CSRP2: variants seen among roughly 807,000 people sequenced by gnomAD.
The protein encoded by CSRP2 is cysteine and glycine rich protein 2.
In CSRP2, 18 loss-of-function variants were observed where a neutral mutation model predicts 24.6. The observed-to-expected ratio is 0.73, with a 90% CI of 0.51 to 1.09. The LOEUF is 1.09. CSRP2 is among the 50% of genes least tolerant of loss of function. The probability of loss-of-function intolerance (pLI) is 0.00; values close to 1 mark genes in which losing one functional copy is unlikely to be tolerated. For missense variants in CSRP2, 215 were observed against 239.4 expected, an observed-to-expected ratio of 0.90 and a Z score of 0.67; for synonymous variants, 87 against 84.3, an observed-to-expected ratio of 1.03 and a Z score of -0.18.
intron 1 of CSRP2, among the ~76,000 whole-genome samples, chr12:76,867,822 A>G (rs920660315): frequency 3.3e-5 from 5 of 151,272 alleles, no homozygotes; most frequent in African/African-American, 1.2e-4. Flanking sequence ...TACTAAGTAG[A>G]AAAGATTAAA....
rs1953647292 is a variant in CSRP2 at position 76,858,989 on chromosome 12, T to C, written c.545A>G (p.Tyr182Cys). 2.5e-6 allele frequency: 4 copies of C among 1,614,120 alleles called. No individual in the cohort carries two copies. The highest frequency in any genetic ancestry group is 2.2e-5 in the East Asian group (1 of 44,892). ...AACAAGAGCCCCTGCTCCTTGGCCA[T>C]AGCCAAATCCCTTGGGCCCAAAGTT... ...AKNFGPKGFG[Y>C]GQGAGALVHA... Residue 182 changes from tyrosine to cysteine, a missense_variant, in exon 6 of 6, where the codon TAT (tyrosine) becomes TGT (cysteine). By Grantham distance (194) the Tyr-to-Cys change is radical (BLOSUM62 -2). Transcript: ENST00000311083.
chr12:76,862,691 C>A, intron 3 of CSRP2: 1 of 1,233,468 alleles, frequency 8.1e-7, no homozygotes, highest in Non-Finnish European at 1.1e-6. Flanking sequence ...CTCAAAGAAT[C>A]AAAAATAAGA....
Position 76,859,029 on chromosome 12 carries a change from C to T in CSRP2, c.506-1G>A. The T allele has an allele frequency of 1.9e-6, 3 of 1,614,020 alleles. No homozygotes were observed. The highest frequency in any genetic ancestry group is 2.5e-6 in the Non-Finnish European group (3 of 1,179,898). On this transcript the variant is annotated splice_acceptor_variant, in intron 5 of 5. Transcript: ENST00000311083. LOFTEE classifies it high-confidence loss of function. ...GGCCCAAAGTTCTTTGCATAGCATC[C>T]TACAAAGGAAAGGGAGGAAGGATAG...
At chr12:76,866,053 T>A (rs1218409051) in intron 2 of CSRP2, 96 bp downstream of exon 2, 7 of 851,776 alleles carry the variant, frequency 8.2e-6, no homozygotes, top group Non-Finnish European at 7.5e-6. Flanking sequence ...TTCAAAATGA[T>A]CTTTGTTGGC....
chr12:76,859,473 G>C, intron 5 of CSRP2, 74 bp downstream of exon 5: 1 of 892,812 alleles, frequency 1.1e-6, no homozygotes, highest in South Asian at 1.8e-5. Flanking sequence ...TTTTTTTAAT[G>C]CCAGTGACAT....
At chr12:76,866,753 A>G (rs1413179094) in intron 1 of CSRP2, among the ~76,000 whole-genome samples, 1 of 152,216 alleles carries the variant, frequency 6.6e-6, no homozygotes, top group Admixed American at 6.5e-5. Context: ...AAGCTATAAC[A>G]CGCTTTCTAG....
At chr12:76,877,187 G>A (rs1953861202) in intron 1 of CSRP2, among the ~76,000 whole-genome samples, 1 of 152,166 alleles carries the variant, frequency 6.6e-6, no homozygotes, top group South Asian at 2.1e-4. Context: ...TGTCAGAGTT[G>A]CCTCTGGACT....
At chr12:76,871,125 G>A (rs765904639) in intron 1 of CSRP2, among the ~76,000 whole-genome samples, 4 of 151,968 alleles carry the variant, frequency 2.6e-5, no homozygotes, top group Admixed American at 6.6e-5. Context: ...TAACTCCACC[G>A]TTATAATAGC....
At position 76,863,298 on chromosome 12, in the gene CSRP2, A is replaced by G. The variant is rs1331632954; in HGVS notation, c.159T>C (p.Asp53=). The G allele has an allele frequency of 4.3e-6, 7 of 1,614,112 alleles. No homozygotes were observed. The East Asian group carries it at 1.6e-4, about 36-fold the overall frequency. ...AGCAGGATTTGCAGTAGATCTCTTC[A>G]TCGTGAATTGCCACTGTTGTGCTAT... The part of the protein sequence containing the change: ...NLDSTTVAIH[D]EEIYCKSCYG... The change falls in exon 3 of 6, where the codon GAT becomes GAC. Residue 53 remains aspartate (D), a synonymous_variant. Transcript: ENST00000311083.
intron 1 of CSRP2, among the ~76,000 whole-genome samples, chr12:76,872,676 T>C (rs1953812573): frequency 6.6e-6 from 1 of 152,220 alleles, no homozygotes; most frequent in East Asian, 1.9e-4. Context: ...CTAAGCCCTA[T>C]GTAAATCAGA....
intron 2 of CSRP2, chr12:76,864,855 T>C (rs1953719742): frequency 6.6e-6 from 1 of 152,212 alleles, no homozygotes; most frequent in South Asian, 2.1e-4. Flanking sequence ...TCTTAAACCA[T>C]AGTTAACCTA....
At chr12:76,869,569 CA>C (rs1953773704) in intron 1 of CSRP2, among the ~76,000 whole-genome samples, 6 of 145,460 alleles carry the variant, frequency 4.1e-5, no homozygotes, top group African/African-American at 1.6e-4. Context: ...CACACACACA[CA>C]CACACACACC....
At chr12:76,864,624 A>G (rs1329010875) in intron 2 of CSRP2, 1 of 127,006 alleles carries the variant, frequency 7.9e-6, no homozygotes, top group Non-Finnish European at 1.7e-5. Context: ...ATAAAAATTA[A>G]AAGTAAGAAA....
chr12:76,859,618 C>T lies in CSRP2; in HGVS notation c.434G>A (p.Arg145Gln), dbSNP rs1457151294. Reference sequence around the variant, plus strand: ...AAGACTCTTCCCACACTTTGCACATCGGAAACAGTTTTTGTGCCAGGGCTG... The same window carrying T: ...AAGACTCTTCCCACACTTTGCACATTGGAAACAGTTTTTGTGCCAGGGCTG... ...AGKPWHKNCF[R>Q]CAKCGKSLES... is the part of the protein sequence containing the mutation. Residue 145 changes from arginine (R) to glutamine (Q), a missense_variant, in exon 5 of 6, where the codon CGA becomes CAA. By Grantham distance (43) the Arg-to-Gln change is conservative. Coordinates refer to ENST00000311083, the MANE Select transcript of CSRP2 (RefSeq NM_001321.3). 18 of 1,612,046 alleles carry T rather than the reference C, an allele frequency of 1.1e-5. No homozygotes were observed. The highest frequency in any genetic ancestry group is 3.3e-5 in the Admixed American group (2 of 59,782).
intron 1 of CSRP2, among the ~76,000 whole-genome samples, chr12:76,873,114 A>G (rs2137836639): frequency 6.6e-6 from 1 of 152,328 alleles, no homozygotes; most frequent in Admixed American, 6.5e-5. Flanking sequence ...TATATTCTAT[A>G]TTTGCCCAGA....
Position 76,860,333 on chromosome 12 carries a change from C to T in CSRP2, c.362G>A (p.Arg121Lys). The T allele has an allele frequency of 6.2e-7, 1 of 1,614,144 alleles. No homozygotes were observed. Among genetic ancestry groups the T allele is most frequent in the Admixed American group, 1.7e-5 (1 of 60,018 alleles). ...QKYGGAEKCS[R>K]CGDSVYAAEK... ...GGCAGCATATACAGAATCCCCACAT[C>T]TGGAACACTTCTCAGCACCTCCATA... Residue 121 changes from arginine to lysine, a missense_variant, in exon 4 of 6, where the codon AGA becomes AAA. Arg to Lys is a conservative substitution (Grantham distance 26, BLOSUM62 2). Coordinates refer to ENST00000311083, the MANE Select transcript of CSRP2 (RefSeq NM_001321.3).
chr12:76,863,364 A>C lies in CSRP2; in HGVS notation c.113-20T>G. ...AAACCACTGCAGGGGAAAAAGTTAG[A>C]CTTTACACATGTTCCAAAGATGCCT... On this transcript the variant is annotated intron_variant, in intron 2 of 5. Transcript: ENST00000311083. The C allele has an allele frequency of 6.2e-7, 1 of 1,611,820 alleles. No individual in the cohort carries two copies. The highest frequency in any genetic ancestry group is 1.1e-5 in the South Asian group (1 of 90,918).
intron 1 of CSRP2, among the ~76,000 whole-genome samples, chr12:76,868,015 G>C (rs1414457063): frequency 1.3e-5 from 2 of 152,092 alleles, no homozygotes; most frequent in African/African-American, 4.8e-5. Flanking sequence ...CTCTCTTCTG[G>C]TGGTACCTTC....
intron 1 of CSRP2, among the ~76,000 whole-genome samples, chr12:76,876,690 G>C (rs1953855033): frequency 6.6e-6 from 1 of 152,210 alleles, no homozygotes; most frequent in African/African-American, 2.4e-5. Context: ...TGGCAGTCAG[G>C]GTAAGGTGCC....
Sources: allele counts gnomAD v4.1 joint callset (sites outside exome capture counted in the v4.1 genomes callset), GRCh38; gene constraint gnomAD v4.1.1; transcripts MANE v1.5; gene names NCBI Gene and HGNC (gene_info 2026-07-23, HGNC 2026-07-21).